Variants in ENOX1 observed in about 807,000 individuals in gnomAD.
The protein encoded by ENOX1 is ecto-NOX disulfide-thiol exchanger 1.
A neutral mutation model predicts 82.5 loss-of-function variants in ENOX1; 42 were observed. The ratio of observed to expected loss-of-function variants is 0.51; its 90% CI spans 0.40 to 0.66. The LOEUF is 0.66. Ranked by LOEUF, ENOX1 falls within the 30% of genes least tolerant of loss-of-function variation. ENOX1 has a pLI of 0.00. For missense variants in ENOX1, 608 were observed against 811.6 expected (o/e 0.75, Z 3.05); for synonymous variants, 271 against 282.2 (o/e 0.96, Z 0.40).
chr13:43,340,239 C>T (rs554302014), intron 9 of ENOX1, among the ~76,000 whole-genome samples: 1 of 152,330 alleles, frequency 6.6e-6, no homozygotes, highest in African/African-American at 2.4e-5. Flanking sequence ...TCTGAGGTTG[C>T]TCAATGAGAT....
chr13:43,322,277 G>C, intron 11 of ENOX1, 107 bp downstream of exon 11: 1 of 794,330 alleles, frequency 1.3e-6, no homozygotes, highest in Non-Finnish European at 2.1e-6. Flanking sequence ...TGAAAGTTTA[G>C]TATAATTCAA....
chr13:43,277,190 A>G (rs540257394), intron 12 of ENOX1, among the ~76,000 whole-genome samples: 1 of 152,336 alleles, frequency 6.6e-6, no homozygotes, highest in African/African-American at 2.4e-5. Flanking sequence ...TCATAAATCA[A>G]TTCCTCTAGG....
At chr13:43,713,524 C>T (rs2087883871) in intron 1 of ENOX1, among the ~76,000 whole-genome samples, 1 of 152,112 alleles carries the variant, frequency 6.6e-6, no homozygotes. Context: ...TAGAATTCGG[C>T]TGTGAATCCA....
chr13:43,437,324 G>A (rs192918838), intron 3 of ENOX1, among the ~76,000 whole-genome samples: 2 of 152,272 alleles, frequency 1.3e-5, no homozygotes, highest in East Asian at 3.9e-4. Flanking sequence ...CACCAACCCA[G>A]AGCTAGCATC....
At chr13:43,616,166 C>A (rs7331355) in intron 2 of ENOX1, among the ~76,000 whole-genome samples, 475 of 8,254 alleles carry the variant, frequency 0.058, 24 homozygotes, top group East Asian at 0.086. Flanking sequence ...AGATATCTAT[C>A]TATCTATCTA....
At chr13:43,761,710 A>C (rs2153835599) in intron 1 of ENOX1, among the ~76,000 whole-genome samples, 1 of 152,308 alleles carries the variant, frequency 6.6e-6, no homozygotes, top group Non-Finnish European at 1.5e-5. Flanking sequence ...CTTGGAATAT[A>C]ACATTTTAAA....
intron 2 of ENOX1, among the ~76,000 whole-genome samples, chr13:43,498,212 A>G (rs1313390891): frequency 6.6e-6 from 1 of 152,088 alleles, no homozygotes; most frequent in Non-Finnish European, 1.5e-5. Flanking sequence ...AAAACAGATT[A>G]TAGTGTCCTC....
chr13:43,711,691 A>C (rs1424156554), intron 1 of ENOX1, among the ~76,000 whole-genome samples: 1 of 151,988 alleles, frequency 6.6e-6, no homozygotes, highest in African/African-American at 2.4e-5. Context: ...GCATTTTTTC[A>C]TGTGCTTTTT....
intron 1 of ENOX1, among the ~76,000 whole-genome samples, chr13:43,761,620 G>C (rs551330336): frequency 6.6e-6 from 1 of 152,324 alleles, no homozygotes; most frequent in South Asian, 2.1e-4. Flanking sequence ...TTTGTTGGGA[G>C]AGCCTTTCCT....
At chr13:43,223,975 C>A in intron 16 of ENOX1, 78 bp downstream of exon 16, 1 of 1,086,406 alleles carries the variant, frequency 9.2e-7, no homozygotes, top group South Asian at 1.3e-5. Flanking sequence ...TAGTTCAGTT[C>A]ATGCAGAGTC....
chr13:43,500,317 G>C (rs1262834517), intron 2 of ENOX1, among the ~76,000 whole-genome samples: 1 of 152,072 alleles, frequency 6.6e-6, no homozygotes, highest in Non-Finnish European at 1.5e-5. Flanking sequence ...AAAGTCAAAG[G>C]CAATTTTGAA....
chr13:43,432,713 A>C (rs1192454859), intron 3 of ENOX1, among the ~76,000 whole-genome samples: 4 of 152,190 alleles, frequency 2.6e-5, no homozygotes, highest in Admixed American at 6.5e-5. Context: ...AGATCTGTGT[A>C]CAGTTTCAAC....
At chr13:43,565,429 A>G (rs543351835) in intron 2 of ENOX1, among the ~76,000 whole-genome samples, 27 of 152,192 alleles carry the variant, frequency 1.8e-4, no homozygotes, top group African/African-American at 6.5e-4. Context: ...CTGGACACAA[A>G]ATGCATGGTG....
chr13:43,764,083 C>T (rs1951135635), intron 1 of ENOX1, among the ~76,000 whole-genome samples: 3 of 152,162 alleles, frequency 2.0e-5, no homozygotes. Flanking sequence ...TAAAACCTGC[C>T]TACTGCAGCT....
intron 5 of ENOX1, among the ~76,000 whole-genome samples, chr13:43,382,757 A>T (rs1594246288): frequency 6.6e-6 from 1 of 152,348 alleles, no homozygotes; most frequent in East Asian, 1.9e-4. Flanking sequence ...ATGAAATTGT[A>T]GAATTTAAAT....
At chr13:43,290,670 T>C (rs1256468463) in intron 12 of ENOX1, among the ~76,000 whole-genome samples, 3 of 152,218 alleles carry the variant, frequency 2.0e-5, no homozygotes, top group Non-Finnish European at 1.5e-5. Context: ...ATCTGTACGC[T>C]AAACCTCAGC....
chr13:43,529,276 A>G (rs1566458910), intron 2 of ENOX1, among the ~76,000 whole-genome samples: 1 of 152,034 alleles, frequency 6.6e-6, no homozygotes, highest in Non-Finnish European at 1.5e-5. Context: ...TTAGTCACTT[A>G]GTAGCCCTCT....
At chr13:43,666,316 A>G (rs925813295) in intron 2 of ENOX1, among the ~76,000 whole-genome samples, 3 of 152,210 alleles carry the variant, frequency 2.0e-5, no homozygotes, top group East Asian at 1.9e-4. Context: ...GTGTACCCCA[A>G]AAAGATGCTG....
chr13:43,514,214 A>G (rs1183574125), intron 2 of ENOX1, among the ~76,000 whole-genome samples: 3 of 152,184 alleles, frequency 2.0e-5, no homozygotes, highest in Non-Finnish European at 4.4e-5. Flanking sequence ...CCAGTTTTAC[A>G]TATCTTTAAT....
Sources: gnomAD v4.1 joint callset for allele counts (sites outside exome capture counted in the v4.1 genomes callset) on GRCh38, gnomAD v4.1.1 for gene constraint, MANE v1.5 for transcripts, NCBI Gene and HGNC (gene_info 2026-07-23, HGNC 2026-07-21) for gene names.